MAPK9: variants seen among roughly 807,000 people sequenced by gnomAD.
MAPK9 encodes the protein Jun kinase.
Under a neutral mutation model 57.1 loss-of-function variants are expected in MAPK9, and 30 were observed. That is an observed-to-expected ratio of 0.53 (90% confidence interval 0.39 to 0.71). The LOEUF is 0.71. Among genes scored for constraint, MAPK9 ranks in the 30% least tolerant of loss-of-function variants. The pLI is 0.00. For synonymous variants in MAPK9, 155 were observed against 177.0 expected (o/e 0.88, Z 0.99); for missense variants, 362 against 521.0 (o/e 0.69, Z 2.97).
At chr5:180,259,951 A>G (rs1759745668) in intron 5 of MAPK9, among the ~76,000 whole-genome samples, 1 of 152,256 alleles carries the variant, frequency 6.6e-6, no homozygotes, top group African/African-American at 2.4e-5. Context: ...TTATCTTTGA[A>G]AACATGAAAG....
Position 180,248,778 on chromosome 5 carries a change from A to G in MAPK9, c.616+195T>C, listed in dbSNP as rs34676141. On this transcript the variant is annotated intron_variant, in intron 6 of 11. Transcript: ENST00000452135. ...TCAAAAATAACAATTTTAAAAGTGA[A>G]TTTTTAAAAGAGAATGATTTTAACC... Among the ~76,000 whole-genome samples the G allele has an allele frequency of 5.1e-3, 777 of 152,378 alleles. 7 individuals are homozygous for G. The highest frequency in any genetic ancestry group is 0.018 in the African/African-American group (742 of 41,598).
intron 5 of MAPK9, 74 bp downstream of exon 5, chr5:180,261,610 G>T: frequency 2.3e-6 from 3 of 1,321,664 alleles, no homozygotes; most frequent in Admixed American, 5.6e-5. Context: ...TTTTTTAAAT[G>T]TTATTTTGTA....
intron 5 of MAPK9, among the ~76,000 whole-genome samples, chr5:180,250,565 G>C (rs923351090): frequency 6.6e-6 from 1 of 152,286 alleles, no homozygotes. Context: ...TGGGCCACAA[G>C]GGGGGTTGCA....
At position 180,269,270 on chromosome 5, in the gene MAPK9, C is replaced by G; in HGVS notation, c.252+10G>C. The G allele has an allele frequency of 6.2e-7, 1 of 1,612,300 alleles. No individual in the cohort carries two copies. The highest frequency in any genetic ancestry group is 2.2e-5 in the East Asian group (1 of 44,824). On this transcript the variant is annotated intron_variant, in intron 3 of 11. Coordinates refer to ENST00000452135, the MANE Select transcript of MAPK9 (RefSeq NM_002752.5). The stretch of plus-strand genomic sequence containing the variant: ...TGGAAGCACACAGACAAAATACATA[C>G]ATAACTTACATTTTTATGATTGACA...
chr5:180,272,178 A>G (rs183951388), intron 2 of MAPK9, among the ~76,000 whole-genome samples: 2 of 152,300 alleles, frequency 1.3e-5, no homozygotes, highest in East Asian at 1.9e-4. Context: ...CACAGTCCCC[A>G]CTGCTTCTTG....
At chr5:180,260,832 T>G (rs1283032934) in intron 5 of MAPK9, among the ~76,000 whole-genome samples, 2 of 152,228 alleles carry the variant, frequency 1.3e-5, no homozygotes, top group Non-Finnish European at 2.9e-5. Context: ...TTAATTGTTC[T>G]TCACCTATTA....
chr5:180,238,007 C>T (rs1210552621), intron 11 of MAPK9: 5 of 189,830 alleles, frequency 2.6e-5, no homozygotes, highest in South Asian at 9.7e-5. Context: ...CATGGTGGTG[C>T]GTGCCTGTAA....
intron 5 of MAPK9, among the ~76,000 whole-genome samples, chr5:180,260,537 A>C (rs1263828833): frequency 1.3e-5 from 2 of 152,200 alleles, no homozygotes; most frequent in Non-Finnish European, 2.9e-5. Flanking sequence ...CCATCTCTGG[A>C]CTGTTGATTT....
chr5:180,270,409 T>C (rs953976274), intron 2 of MAPK9, among the ~76,000 whole-genome samples: 3 of 152,230 alleles, frequency 2.0e-5, no homozygotes, highest in African/African-American at 7.2e-5. Context: ...TGTCTGTCTA[T>C]ATACATATGT....
Position 180,287,470 on chromosome 5 carries a change from T to A in MAPK9, c.-48+4378A>T, listed in dbSNP as rs571434157. Among the ~76,000 whole-genome samples the A allele has an allele frequency of 5.9e-5, 9 of 152,356 alleles. No individual in the cohort carries two copies. The South Asian group carries it at 1.9e-3, about 32-fold the overall frequency. On this transcript the variant is annotated intron_variant, in intron 1 of 11. Transcript: ENST00000452135. ...TGCAGTGATCACACCATTCTCCCAT[T>A]TGAACTCCTTCAACAGTGACTGACT... is the stretch of plus-strand genomic sequence containing the variant.
chr5:180,239,470 T>C (rs1757472416), intron 10 of MAPK9, among the ~76,000 whole-genome samples: 1 of 152,198 alleles, frequency 6.6e-6, no homozygotes, highest in Non-Finnish European at 1.5e-5. Flanking sequence ...TAATGAAAAA[T>C]TGTTAGTTCA....
At chr5:180,236,649 T>C (rs1757197155) in intron 11 of MAPK9, 123 bp from the exon 12 acceptor site, 4 of 1,030,440 alleles carry the variant, frequency 3.9e-6, no homozygotes, top group Non-Finnish European at 5.6e-6. Flanking sequence ...TAACTATGAG[T>C]ATAGACAAGA....
chr5:180,242,056 T>C (rs2127576772), intron 8 of MAPK9, among the ~76,000 whole-genome samples: 1 of 152,294 alleles, frequency 6.6e-6, no homozygotes, highest in South Asian at 2.1e-4. Context: ...TAGTTAAATA[T>C]AAGGCTCACC....
At chr5:180,268,709 C>T (rs1459356957) in intron 3 of MAPK9, among the ~76,000 whole-genome samples, 3 of 151,782 alleles carry the variant, frequency 2.0e-5, no homozygotes, top group Non-Finnish European at 4.4e-5. Context: ...CGCCTGTAGT[C>T]CCAGCTACTC....
intron 1 of MAPK9, among the ~76,000 whole-genome samples, chr5:180,282,202 T>C (rs1467702246): frequency 1.3e-5 from 2 of 152,208 alleles, no homozygotes; most frequent in African/African-American, 4.8e-5. Context: ...ACAGTGCTGC[T>C]CCATTTTACT....
intron 1 of MAPK9, among the ~76,000 whole-genome samples, chr5:180,290,908 G>A (rs567682812): frequency 6.6e-6 from 1 of 152,306 alleles, no homozygotes; most frequent in South Asian, 2.1e-4. Flanking sequence ...CATCCTAGTC[G>A]GGGAGACAGA....
At chr5:180,261,634 G>T in intron 5 of MAPK9, 50 bp downstream of exon 5, 2 of 1,490,946 alleles carry the variant, frequency 1.3e-6, no homozygotes, top group South Asian at 1.3e-5. Context: ...AAAGGATTAT[G>T]ACAACCAAAT....
chr5:180,250,652 C>T (rs1315756913), intron 5 of MAPK9, among the ~76,000 whole-genome samples: 5 of 152,152 alleles, frequency 3.3e-5, no homozygotes, highest in Admixed American at 3.3e-4. Flanking sequence ...ACAACAGGTA[C>T]AATTACACTG....
chr5:180,242,252 C>T lies in MAPK9; in HGVS notation c.871+321G>A, dbSNP rs552592859. On this transcript the variant is annotated intron_variant, in intron 8 of 11. Transcript: ENST00000452135. ...CTTTTTCATCGAACAACTGTCACAT[C>T]GCTTCTGACTCTAGAATCTGCATTA... 2.4e-4 allele frequency among the ~76,000 whole-genome samples: 37 copies of T among 152,310 alleles called. No homozygotes were observed. In the South Asian group the frequency reaches 6.8e-3, roughly 28 times the overall value.
Sources: allele counts gnomAD v4.1 joint callset (sites outside exome capture counted in the v4.1 genomes callset), GRCh38; gene constraint gnomAD v4.1.1; transcripts MANE v1.5; gene names NCBI Gene and HGNC (gene_info 2026-07-23, HGNC 2026-07-21).